The following PFKFB3 variants were observed in gnomAD, a reference collection of about 807,000 sequenced individuals.
PFKFB3 encodes 6-phosphofructo-2-kinase/fructose-2,6-biphosphatase 3.
Under a neutral mutation model 68.0 loss-of-function variants are expected in PFKFB3, and 33 were observed. The observed-to-expected ratio is 0.49, with a 90% confidence interval of 0.37 to 0.65. The LOEUF (loss-of-function observed/expected upper bound fraction) is 0.65, where lower values mean the gene tolerates loss of function less well. Among genes scored for constraint, PFKFB3 ranks in the 30% least tolerant of loss-of-function variants. PFKFB3 has a pLI of 0.00. For synonymous variants in PFKFB3, 315 were observed against 288.2 expected (o/e 1.09, Z -0.94); for missense variants, 586 against 712.2 (o/e 0.82, Z 2.02).
chr10:6,287,278 C>T, the PFKFB3 span, among the ~76,000 whole-genome samples: 130 of 151,970 alleles, frequency 8.6e-4, 1 homozygote, highest in African/African-American at 3.0e-3. Context: ...TTAGTAGAGA[C>T]GGGGTTTCAC....
intron 1 of PFKFB3, among the ~76,000 whole-genome samples, chr10:6,194,075 C>T (rs1843103347): frequency 6.6e-6 from 1 of 152,104 alleles, no homozygotes. Flanking sequence ...TTGGTGTCTG[C>T]CATTTGGGAA....
chr10:6,231,430 A>G (rs1845735693), intron 14 of PFKFB3: 36 of 1,548,150 alleles, frequency 2.3e-5, no homozygotes, highest in Non-Finnish European at 2.9e-5. Context: ...GAGGTTGTTA[A>G]GTGCAACACC....
In PFKFB3 at chr10:6,183,525, A is replaced by T. The variant is rs1224751284; in HGVS notation, c.17-30098A>T. 2.6e-5 allele frequency among the ~76,000 whole-genome samples: 4 copies of T among 151,108 alleles called. No individual in the cohort carries two copies. The East Asian group carries it at 7.8e-4, about 29-fold the overall frequency. On this transcript the variant is annotated intron_variant, in intron 1 of 14. Coordinates refer to the PFKFB3 transcript ENST00000379789. ...GGAGTCTGGCCTGGTGTGGTGGCTC[A>T]TGCCTGTAATCCCAGCACTTTGGGA...
chr10:6,235,048 C>A lies in PFKFB3; in HGVS notation c.*2106C>A, dbSNP rs1845955143. The A allele has an allele frequency of 6.6e-6, 1 of 152,580 alleles. No individual in the cohort carries two copies. Among genetic ancestry groups the A allele is most frequent in the Non-Finnish European group, 1.5e-5 (1 of 67,986 alleles). 9.5% of individuals were successfully genotyped at this position (152,580 alleles called of 1,614,324 possible). ...GGGGGCGGGGGTTGGGTTTGAGCTACAGTCATGAACTTTTGGCGTCTACTG... is the reference window on the plus strand; with the variant it reads ...GGGGGCGGGGGTTGGGTTTGAGCTAAAGTCATGAACTTTTGGCGTCTACTG... On this transcript the variant is annotated 3_prime_UTR_variant, in exon 15 of 15. Coordinates refer to ENST00000379775, the MANE Select transcript of PFKFB3 (RefSeq NM_004566.4).
the PFKFB3 span, among the ~76,000 whole-genome samples, chr10:6,315,030 G>A: frequency 2.6e-5 from 4 of 152,176 alleles, no homozygotes; most frequent in Non-Finnish European, 4.4e-5. Context: ...TGTGGTTAAG[G>A]AGGAAAAGCC....
intron 5 of PFKFB3, 77 bp from the exon 6 acceptor site, chr10:6,217,058 G>A: frequency 7.1e-7 from 1 of 1,414,706 alleles, no homozygotes; most frequent in Non-Finnish European, 1.0e-6. Context: ...CCTTGTCCGG[G>A]TGATGACATC....
the PFKFB3 span, among the ~76,000 whole-genome samples, chr10:6,281,981 T>C: frequency 6.7e-6 from 1 of 149,076 alleles, no homozygotes; most frequent in Non-Finnish European, 1.5e-5. Flanking sequence ...TTTTAAGAGA[T>C]GAGGTCTCAC....
chr10:6,159,351 C>T (rs189718985), intron 1 of PFKFB3, among the ~76,000 whole-genome samples: 1 of 151,354 alleles, frequency 6.6e-6, no homozygotes. Flanking sequence ...GAGGAGATCG[C>T]GCCACTGCAC....
At chr10:6,308,241 G>T in the PFKFB3 span, among the ~76,000 whole-genome samples, 3 of 152,210 alleles carry the variant, frequency 2.0e-5, no homozygotes, top group Non-Finnish European at 4.4e-5. Flanking sequence ...GGCCAGGTGC[G>T]GTGGCTCATG....
At chr10:6,185,127 G>A (rs1329936985) in intron 1 of PFKFB3, among the ~76,000 whole-genome samples, 1 of 152,216 alleles carries the variant, frequency 6.6e-6, no homozygotes, top group Non-Finnish European at 1.5e-5. Flanking sequence ...AAGCACTAGG[G>A]TGACCACGGC....
At chr10:6,148,100 T>A (rs1039171571) in intron 1 of PFKFB3, among the ~76,000 whole-genome samples, 1 of 152,246 alleles carries the variant, frequency 6.6e-6, no homozygotes, top group African/African-American at 2.4e-5. Context: ...AGGTACCAGC[T>A]GAACAGCAAG....
At chr10:6,177,354 C>CTTTTCTCTTTCTT (rs1301342118) in intron 1 of PFKFB3, among the ~76,000 whole-genome samples, 2 of 77,924 alleles carry the variant, frequency 2.6e-5, no homozygotes, top group Non-Finnish European at 5.5e-5. Context: ...CTTTTCTTTT[C>CTTTTCTCTTTCTT]TCTTTCTTTC....
chr10:6,189,521 T>A (rs1274662440), intron 1 of PFKFB3, among the ~76,000 whole-genome samples: 1 of 150,936 alleles, frequency 6.6e-6, no homozygotes, highest in South Asian at 2.1e-4. Context: ...ACTTTTTTTT[T>A]TTTTTTTTTT....
intron 1 of PFKFB3, among the ~76,000 whole-genome samples, chr10:6,185,537 G>A (rs534592880): frequency 2.0e-5 from 3 of 152,180 alleles, no homozygotes; most frequent in Admixed American, 6.5e-5. Flanking sequence ...CTCTTCCACC[G>A]GGTGCTGCTG....
chr10:6,224,295 G>C, intron 13 of PFKFB3, 82 bp downstream of exon 13: 1 of 1,407,546 alleles, frequency 7.1e-7, no homozygotes, highest in Non-Finnish European at 1.0e-6. Context: ...AGGCCCCGGG[G>C]CCGCTTGCCT....
chr10:6,293,231 A>G, the PFKFB3 span: 2 of 466,932 alleles, frequency 4.3e-6, no homozygotes, highest in East Asian at 5.8e-5. Context: ...TATGTCTGCA[A>G]TTTGAGAGTC....
rs759213296 is a variant in PFKFB3, at chr10:6,221,508, C to T, written c.959C>T (p.Ala320Val). ...ALRLPYEQWK[A>V]LNEIDAGVCE... Reference sequence around the variant, plus strand: ...CGGCTGCCCTACGAGCAGTGGAAGGCGCTCAATGAGATCGACGCGGTGAGT... The same window carrying T: ...CGGCTGCCCTACGAGCAGTGGAAGGTGCTCAATGAGATCGACGCGGTGAGT... Residue 320 changes from alanine (A) to valine (V), a missense_variant, in exon 9 of 15, where the codon GCG becomes GTG. Ala to Val is a moderately conservative substitution (Grantham distance 64, BLOSUM62 0). Coordinates refer to ENST00000379775, the MANE Select transcript of PFKFB3 (RefSeq NM_004566.4). The T allele has an allele frequency of 1.9e-5, 30 of 1,613,174 alleles. No individual in the cohort carries two copies. Among genetic ancestry groups the T allele is most frequent in the South Asian group, 4.4e-5 (4 of 91,082 alleles).
At chr10:6,171,002 A>G (rs1011697282) in intron 1 of PFKFB3, among the ~76,000 whole-genome samples, 1 of 152,176 alleles carries the variant, frequency 6.6e-6, no homozygotes, top group Non-Finnish European at 1.5e-5. Flanking sequence ...CAGGAAGGAA[A>G]TATTACAAAG....
At chr10:6,316,464 T>C in the PFKFB3 span, among the ~76,000 whole-genome samples, 1 of 152,218 alleles carries the variant, frequency 6.6e-6, no homozygotes, top group Non-Finnish European at 1.5e-5. Context: ...TAAATATACA[T>C]TCAAGCTTTT....
Sources: allele counts gnomAD v4.1 joint callset (sites outside exome capture counted in the v4.1 genomes callset), GRCh38; gene constraint gnomAD v4.1.1; transcripts MANE v1.5; gene names NCBI Gene and HGNC (gene_info 2026-07-23, HGNC 2026-07-21).